The following ST6GAL2 variants were observed in gnomAD, a reference collection of about 807,000 sequenced individuals.
ST6GAL2 encodes ST6 beta-galactoside alpha-2,6-sialyltransferase 2.
In ST6GAL2, 24 loss-of-function variants were observed where a neutral mutation model predicts 37.5. The ratio of observed to expected loss-of-function variants is 0.64; its 90% confidence interval spans 0.46 to 0.90. The LOEUF (loss-of-function observed/expected upper bound fraction) is 0.90, where lower values mean the gene tolerates loss of function less well. ST6GAL2 is among the 40% of genes least tolerant of loss of function. ST6GAL2 has a pLI of 0.00. For synonymous variants in ST6GAL2, 306 were observed against 295.1 expected (o/e 1.04, Z -0.38); for missense variants, 715 against 712.7 (o/e 1.00, Z -0.04).
intron 5 of ST6GAL2, among the ~76,000 whole-genome samples, chr2:106,811,342 C>T (rs1183398486): frequency 6.6e-6 from 1 of 152,040 alleles, no homozygotes; most frequent in African/African-American, 2.4e-5. Flanking sequence ...ACATACATAA[C>T]AATAGCTCTT....
intron 1 of ST6GAL2, among the ~76,000 whole-genome samples, chr2:106,851,823 G>A (rs1573277677): frequency 6.6e-6 from 1 of 152,142 alleles, no homozygotes; most frequent in Admixed American, 6.5e-5. Context: ...TTTTAATGTT[G>A]AAATAATAAA....
chr2:106,875,438 A>G (rs1055026251), intron 1 of ST6GAL2, among the ~76,000 whole-genome samples: 1 of 152,118 alleles, frequency 6.6e-6, no homozygotes, highest in African/African-American at 2.4e-5. Context: ...TTGTCCTCCC[A>G]AAGTGCTGGG....
At chr2:106,841,715 G>A (rs535891536) in intron 2 of ST6GAL2, among the ~76,000 whole-genome samples, 1 of 152,292 alleles carries the variant, frequency 6.6e-6, no homozygotes, top group South Asian at 2.1e-4. Flanking sequence ...GGAAATGAAT[G>A]TGATCCAGCG....
At chr2:106,867,237 C>G (rs538802057) in intron 1 of ST6GAL2, among the ~76,000 whole-genome samples, 1 of 152,310 alleles carries the variant, frequency 6.6e-6, no homozygotes, top group Non-Finnish European at 1.5e-5. Context: ...GAGTCAGTAT[C>G]TGAATCCAAA....
chr2:106,854,319 CA>C (rs1190947736), intron 1 of ST6GAL2, among the ~76,000 whole-genome samples: 2 of 152,174 alleles, frequency 1.3e-5, no homozygotes, highest in Non-Finnish European at 2.9e-5. Flanking sequence ...TCAGTTTCAT[CA>C]AATGTGAGTT....
intron 2 of ST6GAL2, among the ~76,000 whole-genome samples, chr2:106,841,447 C>A (rs987615516): frequency 6.6e-6 from 1 of 152,200 alleles, no homozygotes; most frequent in African/African-American, 2.4e-5. Context: ...TTGAGGCTGA[C>A]GCTGTATTTG....
Position 106,813,108 on chromosome 2 carries a change from T to C in ST6GAL2, c.1319-6159A>G, listed in dbSNP as rs186600126. 153 of 1,234,404 alleles carry C rather than the reference T, an allele frequency of 1.2e-4. No individual in the cohort carries two copies. In the African/African-American group the frequency reaches 2.2e-3, roughly 17 times the overall value. 76.5% of individuals were successfully genotyped at this position (1,234,404 alleles called of 1,614,324 possible). On this transcript the variant is annotated intron_variant, in intron 5 of 5. Transcript: ENST00000409382. Reference sequence around the variant, plus strand: ...CAGTATGAATGTTAAGTTTCTTATATGGCCAGTTTTTTTTTTTTTTTTGAG... The same window carrying C: ...CAGTATGAATGTTAAGTTTCTTATACGGCCAGTTTTTTTTTTTTTTTTGAG...
intron 5 of ST6GAL2, among the ~76,000 whole-genome samples, chr2:106,813,472 G>C (rs1373230050): frequency 6.6e-6 from 1 of 152,050 alleles, no homozygotes; most frequent in African/African-American, 2.4e-5. Context: ...TTTAACACAT[G>C]TTCAGATTAT....
rs748401765 is a variant in ST6GAL2 at position 106,843,682 on chromosome 2, C to A, written c.296G>T (p.Trp99Leu). Residue 99 changes from tryptophan to leucine, a missense_variant, in exon 2 of 6, where the codon TGG (tryptophan) becomes TTG (leucine). Physicochemically the swap from Trp to Leu is moderately conservative, Grantham distance 61. Transcript: ENST00000409382. Reference sequence around the variant, plus strand: ...TTCAAACCCATCTTGGGACTGGGCCCATTTCTGCAGGTCTCCAGGCCCCGC... The same window carrying A: ...TTCAAACCCATCTTGGGACTGGGCCAATTTCTGCAGGTCTCCAGGCCCCGC... ...FHAGPGDLQKWAQSQDGFEHK... is the reference protein window; with the variant it reads ...FHAGPGDLQKLAQSQDGFEHK... 6.2e-7 allele frequency: 1 copy of A among 1,613,288 alleles called. No individual in the cohort carries two copies. The highest frequency in any genetic ancestry group is 8.5e-7 in the Non-Finnish European group (1 of 1,180,018).
intron 5 of ST6GAL2, among the ~76,000 whole-genome samples, chr2:106,807,226 C>G (rs971235482): frequency 6.6e-6 from 1 of 152,042 alleles, no homozygotes; most frequent in Non-Finnish European, 1.5e-5. Flanking sequence ...GAAAAGAAGT[C>G]AGTGAACTTG....
At chr2:106,863,646 C>T (rs1321882711) in intron 1 of ST6GAL2, among the ~76,000 whole-genome samples, 1 of 152,112 alleles carries the variant, frequency 6.6e-6, no homozygotes, top group African/African-American at 2.4e-5. Context: ...CCGGGTCCTC[C>T]GTTTGCTAAA....
chr2:106,858,189 T>G (rs550664151), intron 1 of ST6GAL2, among the ~76,000 whole-genome samples: 1 of 152,358 alleles, frequency 6.6e-6, no homozygotes, highest in South Asian at 2.1e-4. Context: ...ACTTTTTTAT[T>G]CACTTTACTC....
chr2:106,879,351 T>C (rs775934024), intron 1 of ST6GAL2, among the ~76,000 whole-genome samples: 21 of 152,206 alleles, frequency 1.4e-4, no homozygotes, highest in Non-Finnish European at 2.8e-4. Context: ...TCACATTATT[T>C]TAAAGCCATA....
At chr2:106,849,973 C>G (rs1323661027) in intron 1 of ST6GAL2, among the ~76,000 whole-genome samples, 1 of 152,160 alleles carries the variant, frequency 6.6e-6, no homozygotes, top group Non-Finnish European at 1.5e-5. Context: ...GTGTGTAAAA[C>G]CAACCTGTGA....
intron 1 of ST6GAL2, among the ~76,000 whole-genome samples, chr2:106,875,602 T>C (rs12475520): frequency 0.68 from 103,372 of 152,102 alleles, 35,475 homozygotes; most frequent in Non-Finnish European, 0.74. Flanking sequence ...AAGGCCTGGA[T>C]TGGGTTTTTA....
intron 5 of ST6GAL2, among the ~76,000 whole-genome samples, chr2:106,827,248 T>G (rs1307271093): frequency 6.6e-6 from 1 of 152,184 alleles, no homozygotes; most frequent in African/African-American, 2.4e-5. Flanking sequence ...CAGATTGAGA[T>G]ATGGGTGACA....
At position 106,843,032 on chromosome 2, in the gene ST6GAL2, T is replaced by A. The variant is rs1289540218; in HGVS notation, c.943+3A>T. ...GCGACCTGGTCCCCCCGCTGAGACC[T>A]ACCTATTTCCTCGCCCAAGGAAGAG... On this transcript the variant is annotated splice_donor_region_variant and intron_variant, in intron 2 of 5. Transcript: ENST00000409382. The A allele has an allele frequency of 1.4e-6, 2 of 1,409,932 alleles. No individual in the cohort carries two copies. Among genetic ancestry groups the A allele is most frequent in the African/African-American group, 1.5e-5 (1 of 66,856 alleles). 87.3% of individuals were successfully genotyped at this position (1,409,932 alleles called of 1,614,324 possible).
At chr2:106,852,088 G>C (rs1479267209) in intron 1 of ST6GAL2, among the ~76,000 whole-genome samples, 2 of 152,188 alleles carry the variant, frequency 1.3e-5, no homozygotes, top group African/African-American at 4.8e-5. Flanking sequence ...TCTCCAGACT[G>C]CTAAAGGCAG....
intron 5 of ST6GAL2, among the ~76,000 whole-genome samples, chr2:106,811,334 A>G (rs1258436194): frequency 6.6e-6 from 1 of 152,182 alleles, no homozygotes; most frequent in African/African-American, 2.4e-5. Context: ...ATGTTTGGAC[A>G]TACATAACAA....
Sources: gnomAD v4.1 joint callset for allele counts (sites outside exome capture counted in the v4.1 genomes callset) on GRCh38, gnomAD v4.1.1 for gene constraint, MANE v1.5 for transcripts, NCBI Gene and HGNC (gene_info 2026-07-23, HGNC 2026-07-21) for gene names.